EVPL: variants seen among roughly 807,000 people sequenced by gnomAD.
EVPL encodes envoplakin.
Under a neutral mutation model 129.7 loss-of-function variants are expected in EVPL, and 94 were observed. That is an observed-to-expected ratio of 0.72 (90% confidence interval 0.61 to 0.86). The LOEUF is 0.86. Among genes scored for constraint, EVPL ranks in the 40% least tolerant of loss-of-function variants. The pLI, the probability that EVPL is intolerant of heterozygous loss-of-function variation, is 0.00. For missense variants in EVPL, 2,625 were observed against 2,721.1 expected (o/e 0.96, Z 0.79); for synonymous variants, 1,172 against 1,191.1 (o/e 0.98, Z 0.33).
At chr17:76,012,606 CA>C (rs2066386291) in intron 18 of EVPL, among the ~76,000 whole-genome samples, 2 of 151,762 alleles carry the variant, frequency 1.3e-5, no homozygotes, top group Admixed American at 6.6e-5. Context: ...TTGTGCCCCT[CA>C]GAGTTCCGTT....
Position 76,009,006 on chromosome 17 carries a change from C to G in EVPL, c.4199G>C (p.Gly1400Ala). 1 of 1,612,506 alleles carries G rather than the reference C, an allele frequency of 6.2e-7. No individual in the cohort carries two copies. The highest frequency in any genetic ancestry group is 8.5e-7 in the Non-Finnish European group (1 of 1,179,888). ...RLSGSLDEEV[G>A]RRRQLELEVQ... ...CTCAAGCTCTAGCTGGCGCCGCCGGCCCACCTCCTCATCCAGGCTCCCGCT... is the reference window on the plus strand; with the variant it reads ...CTCAAGCTCTAGCTGGCGCCGCCGGGCCACCTCCTCATCCAGGCTCCCGCT... The change falls in exon 22 of 22, where the codon GGC becomes GCC. Residue 1400 changes from glycine (G) to alanine (A), a missense_variant. This residue lies in a region of EVPL where 1,453 missense variants were observed against 1,511.8 expected (regional missense o/e 0.96). Coordinates refer to ENST00000301607, the MANE Select transcript of EVPL (RefSeq NM_001988.4). This position sits in a 1 kb window ranked among gnomAD's most constrained non-coding sequence, Gnocchi z 5.9.
chr17:76,015,938 G>A (rs1041921966), intron 14 of EVPL, among the ~76,000 whole-genome samples: 9 of 152,262 alleles, frequency 5.9e-5, no homozygotes, highest in African/African-American at 1.4e-4. Flanking sequence ...GAGGTCAGGA[G>A]ATCGAGACCA....
Position 76,008,267 on chromosome 17 carries a change from G to A in EVPL, c.4938C>T (p.Leu1646=). 1.2e-6 allele frequency: 2 copies of A among 1,612,600 alleles called. No individual in the cohort carries two copies. Among genetic ancestry groups the A allele is most frequent in the Non-Finnish European group, 1.7e-6 (2 of 1,179,970 alleles). Residue 1646 remains leucine, a synonymous_variant, in exon 22 of 22, where the codon CTC becomes CTT. Coordinates refer to ENST00000301607, the MANE Select transcript of EVPL (RefSeq NM_001988.4). This position sits in a 1 kb window ranked among gnomAD's most constrained non-coding sequence, Gnocchi z 7.4. ...QELSRLEAAI[L]REKDQIYEKE... is the part of the protein sequence containing the mutation. Reference sequence around the variant, plus strand: ...TCTCGTAGATCTGGTCCTTCTCGCGGAGGATGGCCGCCTCCAGCCGCGAGA... The same window carrying A: ...TCTCGTAGATCTGGTCCTTCTCGCGAAGGATGGCCGCCTCCAGCCGCGAGA...
chr17:76,015,536 G>T lies in EVPL; in HGVS notation c.1803C>A (p.Pro601=). The T allele has an allele frequency of 6.2e-7, 1 of 1,612,848 alleles. No homozygotes were observed. Residue 601 remains proline (P), a synonymous_variant, in exon 15 of 22, where the codon CCC becomes CCA. Transcript: ENST00000301607. ...EAFLSTRPVG[P]AALQLPVALN... is the part of the protein sequence containing the mutation. ...GGGCTACGGGCAGCTGCAGGGCAGC[G>T]GGGCCCACGGGCCGCGTGGACAGAA...
rs776473017 is a variant in EVPL at position 76,008,140 on chromosome 17, G to A, written c.5065C>T (p.Leu1689=). The A allele has an allele frequency of 1.9e-6, 3 of 1,614,058 alleles. No individual in the cohort carries two copies. The highest frequency in any genetic ancestry group is 1.7e-6 in the Non-Finnish European group (2 of 1,180,040). The change falls in exon 22 of 22, where the codon CTG becomes TTG. Residue 1689 remains leucine, a synonymous_variant. Transcript: ENST00000301607. The surrounding 1 kb of genome is among the most constrained non-coding windows in gnomAD (Gnocchi z 7.4). ...ETNLSTKISI[L]EPETGKDMSP... is the part of the protein sequence containing the mutation. ...ATGTCCTTCCCCGTCTCGGGTTCCA[G>A]GATGGAGATCTTGGTGGAAAGGTTG...
At chr17:76,016,298 C>A (rs753869919) in intron 14 of EVPL, among the ~76,000 whole-genome samples, 80 of 152,354 alleles carry the variant, frequency 5.3e-4, no homozygotes, top group Middle Eastern at 3.4e-3. Flanking sequence ...CTGGCCCTGT[C>A]GCTCCAGCCA....
In EVPL at chr17:76,007,169, T is replaced by C; in HGVS notation, c.6036A>G (p.Pro2012=). Residue 2012 remains proline (P), a synonymous_variant, in exon 22 of 22, where the codon CCA becomes CCG. Coordinates refer to ENST00000301607, the MANE Select transcript of EVPL (RefSeq NM_001988.4). This position sits in a 1 kb window ranked among gnomAD's most constrained non-coding sequence, Gnocchi z 8.8. ...AGCAGCGGTACCCCTCCAGTGCCGC[T>C]GGCAGGAGCAGCAGGCCGCTCAGGG... ...KDPLSGLLLL[P]AALEGYRCYR... 6.6e-7 allele frequency: 1 copy of C among 1,513,406 alleles called. No individual in the cohort carries two copies. The allele number at this position is 1,513,406 out of a possible 1,614,324, so 93.7% of individuals were successfully genotyped here.
intron 18 of EVPL, among the ~76,000 whole-genome samples, chr17:76,012,840 A>G (rs1598235180): frequency 7.0e-6 from 1 of 143,316 alleles, no homozygotes; most frequent in African/African-American, 2.6e-5. Context: ...CGCCTCCTGG[A>G]TTCACACCAT....
rs2066339505 is a variant in EVPL at position 76,008,293 on chromosome 17, G to A, written c.4912C>T (p.Leu1638Phe). The A allele has an allele frequency of 6.2e-7, 1 of 1,610,678 alleles. No individual in the cohort carries two copies. Among genetic ancestry groups the A allele is most frequent in the South Asian group, 1.1e-5 (1 of 91,070 alleles). ...RQKAAQRGQE[L>F]SRLEAAILRE... Reference sequence around the variant, plus strand: ...AGGATGGCCGCCTCCAGCCGCGAGAGCTCCTGGCCCCGCTGGGCCGCCTTC... The same window carrying A: ...AGGATGGCCGCCTCCAGCCGCGAGAACTCCTGGCCCCGCTGGGCCGCCTTC... The change falls in exon 22 of 22, where the codon CTC becomes TTC. Residue 1638 changes from leucine (L) to phenylalanine (F), a missense_variant. Leu to Phe is a conservative substitution (Grantham distance 22, BLOSUM62 0). Coordinates refer to ENST00000301607, the MANE Select transcript of EVPL (RefSeq NM_001988.4). The surrounding 1 kb of genome is among the most constrained non-coding windows in gnomAD (Gnocchi z 7.4).
At position 76,008,340 on chromosome 17, in the gene EVPL, T is replaced by C. The variant is rs140054971; in HGVS notation, c.4865A>G (p.Gln1622Arg). The C allele has an allele frequency of 3.2e-4, 517 of 1,605,254 alleles. 2 individuals carry two copies. Among genetic ancestry groups the C allele is most frequent in the Non-Finnish European group, 1.3e-4 (151 of 1,179,750 alleles). ...QLQEESKLLS[Q>R]KTESERQKAA... ...CTTCTGTCGCTCGCTCTCCGTCTTCTGGCTGAGCAGCTTCGACTCCTCCTG... is the reference window on the plus strand; with the variant it reads ...CTTCTGTCGCTCGCTCTCCGTCTTCCGGCTGAGCAGCTTCGACTCCTCCTG... The change falls in exon 22 of 22, where the codon CAG becomes CGG. Residue 1622 changes from glutamine to arginine, a missense_variant. Gln to Arg is a conservative substitution (Grantham distance 43). Coordinates refer to ENST00000301607, the MANE Select transcript of EVPL (RefSeq NM_001988.4). The surrounding 1 kb of genome is among the most constrained non-coding windows in gnomAD (Gnocchi z 7.4).
rs2066443646 is a variant in EVPL at position 76,019,617 on chromosome 17, C to T, written c.1048G>A (p.Ala350Thr). Residue 350 changes from alanine (A) to threonine (T), a missense_variant, in exon 10 of 22, where the codon GCG (alanine) becomes ACG (threonine). By Grantham distance (58) the Ala-to-Thr change is moderately conservative (BLOSUM62 0). Coordinates refer to ENST00000301607, the MANE Select transcript of EVPL (RefSeq NM_001988.4). ...EEADSVSQTL[A>T]KLNSNLDAKY... ...GCATCCAAGTTGGAGTTGAGCTTCG[C>T]CAGGGTCTGGCTGACTGAGTCGGCC... 6.2e-7 allele frequency: 1 copy of T among 1,610,180 alleles called. No individual in the cohort carries two copies. The highest frequency in any genetic ancestry group is 8.5e-7 in the Non-Finnish European group (1 of 1,178,290).
chr17:76,012,097 G>C lies in EVPL; in HGVS notation c.2374-8C>G. 2 of 1,607,058 alleles carry C rather than the reference G, an allele frequency of 1.2e-6. No individual in the cohort carries two copies. Among genetic ancestry groups the C allele is most frequent in the South Asian group, 2.2e-5 (2 of 90,048 alleles). ...GATCTCCTGCGTCAGCCTCTGCCAG[G>C]GAAGAACCCAGAGTCAGGAGGCCAG... On this transcript the variant is annotated splice_region_variant and splice_polypyrimidine_tract_variant and intron_variant, in intron 18 of 21. Transcript: ENST00000301607.
chr17:76,018,183 C>G lies in EVPL; in HGVS notation c.1515G>C (p.Glu505Asp). ...TACCCTGCTGGCTGGGCCGAAGAGA[C>G]TCCACAGCACTGGCCTTCAGGCGGC... ...VQSRLKASAV[E>D]SLRPSQQAPS... is the part of the protein sequence containing the mutation. The change falls in exon 13 of 22, where the codon GAG becomes GAC. Residue 505 changes from glutamate to aspartate, a missense_variant. Physicochemically the swap from Glu to Asp is conservative, Grantham distance 45 (BLOSUM62 2). Transcript: ENST00000301607. The G allele has an allele frequency of 6.4e-7, 1 of 1,551,112 alleles. No homozygotes were observed.
Position 76,018,530 on chromosome 17 carries a change from C to T in EVPL, c.1355G>A (p.Gly452Asp). Residue 452 changes from glycine to aspartate, a missense_variant, in exon 12 of 22, where the codon GGC becomes GAC. By Grantham distance (94) the Gly-to-Asp change is moderately conservative. Coordinates refer to ENST00000301607, the MANE Select transcript of EVPL (RefSeq NM_001988.4). The stretch of plus-strand genomic sequence containing the variant: ...AGCACGCTTGGTCTCCCCGCCAGGG[C>T]CCTGCACGACCCAGGCGTGCGGGTC... ...NTDPHAWVVQ[G>D]PGGETKRAPA... 1.9e-6 allele frequency: 3 copies of T among 1,612,766 alleles called. No individual in the cohort carries two copies. The highest frequency in any genetic ancestry group is 2.5e-6 in the Non-Finnish European group (3 of 1,179,872).
At chr17:76,021,820 G>A (rs1400285176) in intron 7 of EVPL, 39 bp from the exon 8 acceptor site, 16 of 1,568,820 alleles carry the variant, frequency 1.0e-5, no homozygotes, top group African/African-American at 4.1e-5. Flanking sequence ...GTGAGGACCC[G>A]GATGGCCCTG....
intron 14 of EVPL, among the ~76,000 whole-genome samples, chr17:76,016,466 T>G (rs2066419976): frequency 6.6e-6 from 1 of 152,200 alleles, no homozygotes. Context: ...ACCGCTGATG[T>G]GGCAGATGCT....
In EVPL at chr17:76,009,638, T is replaced by C; in HGVS notation, c.3567A>G (p.Lys1189=). ...CGTGGACGCGCTCCTGGAGCTGCAC[T>C]TTGGGCCTCTGCTTCTCCACCACGC... is the stretch of plus-strand genomic sequence containing the variant. ...KYSVVEKQRP[K]VQLQERVHEI... Residue 1189 remains lysine (K), a synonymous_variant, in exon 22 of 22, where the codon AAA becomes AAG. Transcript: ENST00000301607. The surrounding 1 kb of genome is among the most constrained non-coding windows in gnomAD (Gnocchi z 5.9). 5 of 1,613,846 alleles carry C rather than the reference T, an allele frequency of 3.1e-6. No individual in the cohort carries two copies. Among genetic ancestry groups the C allele is most frequent in the Non-Finnish European group, 4.2e-6 (5 of 1,180,008 alleles).
chr17:76,014,709 C>A, intron 17 of EVPL, 133 bp from the exon 18 acceptor site: 1 of 1,293,144 alleles, frequency 7.7e-7, no homozygotes, highest in South Asian at 1.4e-5. Flanking sequence ...GTGCAGATCC[C>A]CACTCCCTGA....
Position 76,013,040 on chromosome 17 carries a change from G to A in EVPL, c.2374-951C>T, listed in dbSNP as rs372744700. ...ATTACAGGCGTGAGCCACCGCGCCCGGCCTGAGAATTCATATTTCTGATAA... is the reference window on the plus strand; with the variant it reads ...ATTACAGGCGTGAGCCACCGCGCCCAGCCTGAGAATTCATATTTCTGATAA... On this transcript the variant is annotated intron_variant, in intron 18 of 21. Transcript: ENST00000301607. This position sits in a 1 kb window ranked among gnomAD's most constrained non-coding sequence, Gnocchi z 4.3. Among the ~76,000 whole-genome samples the A allele has an allele frequency of 6.6e-5, 10 of 152,266 alleles. No homozygotes were observed. Among genetic ancestry groups the A allele is most frequent in the African/African-American group, 9.6e-5 (4 of 41,558 alleles).
Sources: allele counts gnomAD v4.1 joint callset (sites outside exome capture counted in the v4.1 genomes callset), GRCh38; gene constraint gnomAD v4.1.1; regional missense constraint gnomAD v4.1.1; non-coding constraint Gnocchi (gnomAD v3.1); transcripts MANE v1.5; gene names NCBI Gene and HGNC (gene_info 2026-07-23, HGNC 2026-07-21).